Variants in BMPR1A observed in about 807,000 individuals in gnomAD.
BMPR1A encodes bone morphogenetic protein receptor type 1A.
In BMPR1A, 7 loss-of-function variants were observed where a neutral mutation model predicts 66.0. The ratio of observed to expected loss-of-function variants is 0.11; its 90% confidence interval spans 0.06 to 0.20. The LOEUF is 0.20. BMPR1A is among the 10% of genes least tolerant of loss of function. BMPR1A has a pLI of 1.00. For synonymous variants in BMPR1A, 200 were observed against 229.7 expected (o/e 0.87, Z 1.17); for missense variants, 408 against 669.1 (o/e 0.61, Z 4.31).
chr10:86,917,822 C>T (rs1032510324), intron 9 of BMPR1A, among the ~76,000 whole-genome samples: 1 of 152,208 alleles, frequency 6.6e-6, no homozygotes, highest in African/African-American at 2.4e-5. Context: ...CCCTTCACCT[C>T]TTGTTTTCCT....
At chr10:86,821,622 CA>C (rs1296666758) in intron 1 of BMPR1A, among the ~76,000 whole-genome samples, 1 of 152,018 alleles carries the variant, frequency 6.6e-6, no homozygotes, top group Non-Finnish European at 1.5e-5. Context: ...TACATTTTTC[CA>C]AAAAACTTTA....
chr10:86,852,162 T>C (rs1187644046), intron 2 of BMPR1A, among the ~76,000 whole-genome samples: 2 of 151,886 alleles, frequency 1.3e-5, no homozygotes, highest in Non-Finnish European at 2.9e-5. Flanking sequence ...TGGAGTGTTT[T>C]ATGAAAGTGA....
At chr10:86,771,216 G>A (rs1217542743) in intron 1 of BMPR1A, among the ~76,000 whole-genome samples, 2 of 152,110 alleles carry the variant, frequency 1.3e-5, no homozygotes, top group Admixed American at 6.6e-5. Flanking sequence ...CCTTGGAAAC[G>A]TTAAATAACA....
chr10:86,838,572 T>C (rs866135543), intron 1 of BMPR1A, among the ~76,000 whole-genome samples: 2 of 139,504 alleles, frequency 1.4e-5, no homozygotes, highest in African/African-American at 2.7e-5. Flanking sequence ...CCTGTTCTTT[T>C]TTTTTTTTCA....
In BMPR1A at chr10:86,924,899, T is replaced by C. The variant is rs1843718400; in HGVS notation, c.*1180T>C. ...AATGCATTCAAAGTAATATATCAAA[T>C]CCAGGACTTTGTTAACTTCAGGTAA... On this transcript the variant is annotated 3_prime_UTR_variant, in exon 13 of 13. Transcript: ENST00000372037. 1 of 232,062 alleles carries C rather than the reference T, an allele frequency of 4.3e-6. No homozygotes were observed. The highest frequency in any genetic ancestry group is 1.8e-4 in the South Asian group (1 of 5,524). 14.4% of individuals were successfully genotyped at this position (232,062 alleles called of 1,614,324 possible). A position where few individuals can be genotyped will look rare whatever the true frequency, so the allele number is the denominator to read the frequency against.
At chr10:86,899,940 G>GT (rs1276021182) in intron 6 of BMPR1A, 50 bp downstream of exon 6, 1 of 1,609,766 alleles carries the variant, frequency 6.2e-7, no homozygotes, top group Non-Finnish European at 8.5e-7. Context: ...ATCTTCTCTG[G>GT]TTTTACAGTA....
chr10:86,770,232 A>G (rs1841232849), intron 1 of BMPR1A, among the ~76,000 whole-genome samples: 2 of 152,214 alleles, frequency 1.3e-5, no homozygotes, highest in Admixed American at 1.3e-4. Flanking sequence ...TTGAGGCTAC[A>G]GTGAGCTGAG....
chr10:86,884,394 A>ATTTTTTTTTTTTTTTTTTTTTTTTTTT (rs759424209), intron 3 of BMPR1A, among the ~76,000 whole-genome samples: 1 of 49,330 alleles, frequency 2.0e-5, no homozygotes, highest in African/African-American at 5.7e-5. Context: ...CAAACACATG[A>ATTTTTTTTTTTTTTTTTTTTTTTTTTT]TTTTTTTTTT....
chr10:86,845,713 AT>A (rs1406073788), intron 2 of BMPR1A, among the ~76,000 whole-genome samples: 1 of 152,128 alleles, frequency 6.6e-6, no homozygotes, highest in Admixed American at 6.5e-5. Context: ...TAAAAGAAAT[AT>A]CTAACAGGTG....
chr10:86,889,350 C>A (rs1272132005), intron 3 of BMPR1A, among the ~76,000 whole-genome samples: 1 of 152,228 alleles, frequency 6.6e-6, no homozygotes, highest in East Asian at 1.9e-4. Context: ...GGTCCCCATG[C>A]TCTCATGATT....
intron 1 of BMPR1A, among the ~76,000 whole-genome samples, chr10:86,771,872 C>T (rs1472500935): frequency 6.6e-6 from 1 of 152,076 alleles, no homozygotes; most frequent in Non-Finnish European, 1.5e-5. Flanking sequence ...AGCTTAGATC[C>T]TCCCGCCTTG....
intron 1 of BMPR1A, among the ~76,000 whole-genome samples, chr10:86,798,911 G>C (rs1841767121): frequency 6.6e-6 from 1 of 152,206 alleles, no homozygotes; most frequent in African/African-American, 2.4e-5. Context: ...TCAGTAGTCA[G>C]TGGTGTTCCT....
intron 10 of BMPR1A, 123 bp from the exon 11 acceptor site, chr10:86,921,397 T>C (rs1843661571): frequency 1.5e-6 from 2 of 1,303,456 alleles, no homozygotes; most frequent in Non-Finnish European, 2.2e-6. Flanking sequence ...TGAAAAATGC[T>C]AAATTCCACA....
At chr10:86,914,178 C>G (rs34312528) in intron 8 of BMPR1A, among the ~76,000 whole-genome samples, 8,992 of 150,944 alleles carry the variant, frequency 0.06, 628 homozygotes, top group African/African-American at 0.17. Flanking sequence ...GTCCATTTAA[C>G]AGATGGTGCA....
intron 1 of BMPR1A, among the ~76,000 whole-genome samples, chr10:86,771,995 T>C (rs1841270563): frequency 6.6e-6 from 1 of 152,114 alleles, no homozygotes; most frequent in Admixed American, 6.6e-5. Context: ...TATTAAAAGG[T>C]CAGTGGCATA....
At chr10:86,894,236 A>G (rs909240951) in intron 5 of BMPR1A, among the ~76,000 whole-genome samples, 3 of 152,196 alleles carry the variant, frequency 2.0e-5, no homozygotes, top group Admixed American at 6.5e-5. Flanking sequence ...TGAAGTCCCT[A>G]TGCTACTCAC....
chr10:86,776,780 T>A (rs1289157657), intron 1 of BMPR1A, among the ~76,000 whole-genome samples: 1 of 152,204 alleles, frequency 6.6e-6, no homozygotes, highest in Admixed American at 6.5e-5. Flanking sequence ...TCTCTAGTAC[T>A]TCTTTATTCT....
intron 2 of BMPR1A, among the ~76,000 whole-genome samples, chr10:86,862,883 A>G (rs1842731073): frequency 6.6e-6 from 1 of 152,132 alleles, no homozygotes; most frequent in African/African-American, 2.4e-5. Flanking sequence ...GGATCTAGCA[A>G]ATTTGGGAGG....
At chr10:86,845,907 G>A (rs929708752) in intron 2 of BMPR1A, among the ~76,000 whole-genome samples, 5 of 152,020 alleles carry the variant, frequency 3.3e-5, no homozygotes, top group Admixed American at 6.6e-5. Context: ...TGAGGCAGGA[G>A]AATGGCGTGG....
Sources: allele counts gnomAD v4.1 joint callset (sites outside exome capture counted in the v4.1 genomes callset), GRCh38; gene constraint gnomAD v4.1.1; transcripts MANE v1.5; gene names NCBI Gene and HGNC (gene_info 2026-07-23, HGNC 2026-07-21).